ACTN1: variants seen among roughly 807,000 people sequenced by gnomAD.
The protein encoded by ACTN1 is alpha-actinin-1.
ACTN1 carries 30 observed loss-of-function variants against 119.6 expected under a neutral mutation model. The observed-to-expected ratio is 0.25, with a 90% CI of 0.19 to 0.34. The LOEUF (loss-of-function observed/expected upper bound fraction) is 0.34, where lower values mean the gene tolerates loss of function less well. Ranked by LOEUF, ACTN1 falls within the 10% of genes least tolerant of loss-of-function variation. The pLI is 1.00. For synonymous variants in ACTN1, 429 were observed against 472.6 expected (o/e 0.91, Z 1.20); for missense variants, 764 against 1,223.4 (o/e 0.62, Z 5.60).
intron 1 of ACTN1, among the ~76,000 whole-genome samples, chr14:68,961,949 A>T (rs1486959430): frequency 6.6e-6 from 1 of 152,132 alleles, no homozygotes; most frequent in Non-Finnish European, 1.5e-5. Flanking sequence ...CTTCTCCTTC[A>T]CAAGACACCC....
intron 1 of ACTN1, among the ~76,000 whole-genome samples, chr14:68,927,817 T>C (rs1176421657): frequency 6.6e-6 from 1 of 152,222 alleles, no homozygotes; most frequent in Non-Finnish European, 1.5e-5. Flanking sequence ...TTAAAACAAA[T>C]ATAATTTACT....
Position 68,882,694 on chromosome 14 carries a change from A to G in ACTN1, c.1819-102T>C. ...CCAGAAGGGGAAGGGCCGGTCAGTA[A>G]CAGAACAGGAGTAAAGGTGTCAACC... On this transcript the variant is annotated intron_variant, in intron 15 of 21. Coordinates refer to ENST00000394419, the MANE Select transcript of ACTN1 (RefSeq NM_001130004.2). The surrounding 1 kb of genome is among the most constrained non-coding windows in gnomAD (Gnocchi z 4.5). The G allele has an allele frequency of 6.4e-7, 1 of 1,557,334 alleles. No individual in the cohort carries two copies. The highest frequency in any genetic ancestry group is 8.7e-7 in the Non-Finnish European group (1 of 1,143,750).
At position 68,950,462 on chromosome 14, in the gene ACTN1, G is replaced by GTGTGTGTGTGTGTGTGTGTATATATATA; in HGVS notation, c.106-24791_106-24790insTATATATATACACACACACACACACACA. 5.8e-4 allele frequency among the ~76,000 whole-genome samples: 73 copies of GTGTGTGTGTGTGTGTGTGTATATATATA among 125,910 alleles called. 8 individuals carry two copies. Among genetic ancestry groups the GTGTGTGTGTGTGTGTGTGTATATATATA allele is most frequent in the African/African-American group, 2.2e-3 (53 of 24,328 alleles). The allele number at this position is 125,910 out of a possible 152,430, so 82.6% of individuals were successfully genotyped here. ...TTTACCATAATATATATGCGTGTGT[G>GTGTGTGTGTGTGTGTGTGTATATATATA]TATATATATATATATAAATCAAACA... On this transcript the variant is annotated intron_variant, in intron 1 of 21. Coordinates refer to ENST00000394419, the MANE Select transcript of ACTN1 (RefSeq NM_001130004.2).
intron 21 of ACTN1, chr14:68,875,249 A>G: frequency 8.4e-7 from 1 of 1,185,016 alleles, no homozygotes; most frequent in South Asian, 1.6e-5. Flanking sequence ...CCTACTTTGT[A>G]AGCCACTTTC....
chr14:68,930,703 T>C (rs2035184675), intron 1 of ACTN1, among the ~76,000 whole-genome samples: 1 of 152,212 alleles, frequency 6.6e-6, no homozygotes, highest in African/African-American at 2.4e-5. Flanking sequence ...TGACTTGACA[T>C]GGCTCTGCCT....
chr14:68,875,747 C>A (rs1181276625), intron 21 of ACTN1, among the ~76,000 whole-genome samples: 3 of 152,250 alleles, frequency 2.0e-5, no homozygotes, highest in Non-Finnish European at 4.4e-5. Flanking sequence ...AGAGCTGCCA[C>A]TGTCAAGCCA....
In ACTN1 at chr14:68,874,548, A is replaced by T; in HGVS notation, c.*311T>A. 1 of 236,378 alleles carries T rather than the reference A, an allele frequency of 4.2e-6. No individual in the cohort carries two copies. Among genetic ancestry groups the T allele is most frequent in the Non-Finnish European group, 8.1e-6 (1 of 123,462 alleles). The allele number at this position is 236,378 out of a possible 1,614,324, so 14.6% of individuals were successfully genotyped here. The stretch of plus-strand genomic sequence containing the variant: ...GTGCTTGGTTATTTTCCTATGTCGC[A>T]ACAAAACAAGACATTTCGGTGCAAA... On this transcript the variant is annotated 3_prime_UTR_variant, in exon 22 of 22. Coordinates refer to ENST00000394419, the MANE Select transcript of ACTN1 (RefSeq NM_001130004.2).
chr14:68,885,326 C>T lies in ACTN1; in HGVS notation c.1385+99G>A, dbSNP rs2031903733. On this transcript the variant is annotated intron_variant, in intron 12 of 21. Transcript: ENST00000394419. This position sits in a 1 kb window ranked among gnomAD's most constrained non-coding sequence, Gnocchi z 5.6. ...ACCTGGGCACCCACCTGTACCCACC[C>T]TCCCCATCTTCCACGGCCACACCCC... 2 of 1,422,398 alleles carry T rather than the reference C, an allele frequency of 1.4e-6. No individual in the cohort carries two copies. The highest frequency in any genetic ancestry group is 2.4e-5 in the Admixed American group (1 of 41,862). The allele number at this position is 1,422,398 out of a possible 1,614,324, so 88.1% of individuals were successfully genotyped here.
intron 8 of ACTN1, among the ~76,000 whole-genome samples, chr14:68,900,324 C>A (rs61985079): frequency 6.6e-6 from 1 of 151,946 alleles, no homozygotes; most frequent in Admixed American, 6.6e-5. Flanking sequence ...ACTGCACACA[C>A]GTGGCACTTG....
At chr14:68,975,967 C>A (rs2037046173) in intron 1 of ACTN1, among the ~76,000 whole-genome samples, 1 of 152,148 alleles carries the variant, frequency 6.6e-6, no homozygotes, top group African/African-American at 2.4e-5. Context: ...CCAGAAGAGT[C>A]CTGAGGGCTC....
intron 3 of ACTN1, among the ~76,000 whole-genome samples, chr14:68,918,079 A>C (rs1473295246): frequency 2.6e-5 from 4 of 152,310 alleles, no homozygotes; most frequent in Non-Finnish European, 4.4e-5. Flanking sequence ...AAAAAATAAA[A>C]AATAAAGGAG....
chr14:68,947,853 A>G (rs1486435769), intron 1 of ACTN1, among the ~76,000 whole-genome samples: 3 of 152,238 alleles, frequency 2.0e-5, no homozygotes, highest in African/African-American at 4.8e-5. Context: ...CTGAGCCACA[A>G]TGCCTGGTGC....
intron 9 of ACTN1, 91 bp downstream of exon 9, chr14:68,893,564 G>T: frequency 7.9e-7 from 1 of 1,265,302 alleles, no homozygotes; most frequent in Non-Finnish European, 1.1e-6. Context: ...ATACAAGCCT[G>T]AGACTATGCT....
At position 68,904,917 on chromosome 14, in the gene ACTN1, G is replaced by C. The variant is rs80307152; in HGVS notation, c.595-181C>G. Among the ~76,000 whole-genome samples, 147 of 152,328 alleles carry C rather than the reference G, an allele frequency of 9.7e-4. 2 individuals carry two copies. In the East Asian group the frequency reaches 0.026, roughly 27 times the overall value. On this transcript the variant is annotated intron_variant, in intron 6 of 21. Coordinates refer to ENST00000394419, the MANE Select transcript of ACTN1 (RefSeq NM_001130004.2). ...TCTCACCACTGGGGCTCACTGGTTGGAGGTTTAAAGCATTCTCTTTCCCCC... is the reference window on the plus strand; with the variant it reads ...TCTCACCACTGGGGCTCACTGGTTGCAGGTTTAAAGCATTCTCTTTCCCCC...
Position 68,973,139 on chromosome 14 carries a change from G to A in ACTN1, c.105+5813C>T, listed in dbSNP as rs564576842. Among the ~76,000 whole-genome samples the A allele has an allele frequency of 1.4e-4, 22 of 152,242 alleles. 1 individual carries two copies. The highest frequency in any genetic ancestry group is 1.4e-3 in the Admixed American group (21 of 15,292). On this transcript the variant is annotated intron_variant, in intron 1 of 21. Transcript: ENST00000394419. Reference sequence around the variant, plus strand: ...AGGGAAAGCAGGAGAGGCAGAGAAGGGGGAGCCTGGGCAACCCTCTCCATG... The same window carrying A: ...AGGGAAAGCAGGAGAGGCAGAGAAGAGGGAGCCTGGGCAACCCTCTCCATG...
rs979778183 is a variant in ACTN1, at chr14:68,892,190, G to A, written c.949C>T (p.Arg317Trp). Reference sequence around the variant, plus strand: ...GGCTTGTGCAGGCGCCGGTAGTCCCGGAAGTCCTCCAGCTTCTGTTGCATG... The same window carrying A: ...GGCTTGTGCAGGCGCCGGTAGTCCCAGAAGTCCTCCAGCTTCTGTTGCATG... ...HAMQQKLEDF[R>W]DYRRLHKPPK... The change falls in exon 10 of 22, where the codon CGG (arginine) becomes TGG (tryptophan). Residue 317 changes from arginine (R) to tryptophan (W), a missense_variant. By Grantham distance (101) the Arg-to-Trp change is moderately radical. Coordinates refer to ENST00000394419, the MANE Select transcript of ACTN1 (RefSeq NM_001130004.2). 7.4e-6 allele frequency: 12 copies of A among 1,614,056 alleles called. No individual in the cohort carries two copies. The highest frequency in any genetic ancestry group is 1.7e-5 in the Admixed American group (1 of 60,000).
At chr14:68,958,465 G>A (rs532268622) in intron 1 of ACTN1, among the ~76,000 whole-genome samples, 1 of 151,892 alleles carries the variant, frequency 6.6e-6, no homozygotes, top group East Asian at 1.9e-4. Flanking sequence ...TTTCTTCTTT[G>A]TAGTTTGCTG....
chr14:68,929,007 T>C (rs1181752430), intron 1 of ACTN1, among the ~76,000 whole-genome samples: 1 of 151,092 alleles, frequency 6.6e-6, no homozygotes, highest in Non-Finnish European at 1.5e-5. Context: ...CTGTGGCACA[T>C]TCGTGGGAGA....
At chr14:68,912,338 G>T in intron 3 of ACTN1, 96 bp from the exon 4 acceptor site, 2 of 940,274 alleles carry the variant, frequency 2.1e-6, no homozygotes, top group Admixed American at 2.0e-5. Context: ...CCCACGCTAG[G>T]AATCAAAAGA....
Sources: gnomAD v4.1 joint callset for allele counts (sites outside exome capture counted in the v4.1 genomes callset) on GRCh38, gnomAD v4.1.1 for gene constraint, Gnocchi (gnomAD v3.1) non-coding constraint, MANE v1.5 for transcripts, NCBI Gene and HGNC (gene_info 2026-07-23, HGNC 2026-07-21) for gene names.